The following SNW1 variants were observed in gnomAD, a reference collection of about 807,000 sequenced individuals.
SNW1 encodes SNW domain containing 1.
A neutral mutation model predicts 75.6 loss-of-function variants in SNW1; 9 were observed. The observed-to-expected ratio is 0.12, with a 90% CI of 0.07 to 0.21. The LOEUF (loss-of-function observed/expected upper bound fraction) is 0.21. Among genes scored for constraint, SNW1 ranks in the 10% least tolerant of loss-of-function variants. The pLI, the probability that SNW1 is intolerant of heterozygous loss-of-function variation, is 1.00. For missense variants in SNW1, 409 were observed against 670.9 expected, an observed-to-expected ratio of 0.61 and a Z score of 4.31; for synonymous variants, 200 against 219.1, an observed-to-expected ratio of 0.91 and a Z score of 0.77.
At chr14:77,748,312 C>A (rs942152942) in intron 3 of SNW1, among the ~76,000 whole-genome samples, 10 of 152,050 alleles carry the variant, frequency 6.6e-5, no homozygotes, top group African/African-American at 2.4e-4. Context: ...AACCAGAGAC[C>A]CTTGTTCACT....
chr14:77,736,548 C>CA (rs11441542), intron 6 of SNW1, among the ~76,000 whole-genome samples: 58,754 of 141,274 alleles, frequency 0.42, 13,001 homozygotes, highest in East Asian at 0.68. Flanking sequence ...GACTGTCTCT[C>CA]AAAAAACAAA....
At chr14:77,729,390 T>C (rs10162548) in intron 10 of SNW1, among the ~76,000 whole-genome samples, 46,794 of 152,054 alleles carry the variant, frequency 0.31, 7,515 homozygotes, top group Non-Finnish European at 0.34. Context: ...TCAACTCTAC[T>C]ACCAAAATAC....
rs750258815 is a variant in SNW1 at position 77,723,296 on chromosome 14, A to T, written c.1034-19T>A. 6.4e-7 allele frequency: 1 copy of T among 1,560,254 alleles called. No homozygotes were observed. Among genetic ancestry groups the T allele is most frequent in the African/African-American group, 1.4e-5 (1 of 73,820 alleles). On this transcript the variant is annotated intron_variant, in intron 10 of 13. Coordinates refer to ENST00000261531, the MANE Select transcript of SNW1 (RefSeq NM_012245.3). ...CCATCCTCTGTGTGAACAGTTGAAA[A>T]GTACTTCACTGTAATATGTATTATA...
At chr14:77,725,704 G>A (rs2080579492) in intron 10 of SNW1, among the ~76,000 whole-genome samples, 1 of 152,128 alleles carries the variant, frequency 6.6e-6, no homozygotes, top group Admixed American at 6.5e-5. Context: ...GATCACTTGA[G>A]GCCAGGAGGT....
intron 1 of SNW1, among the ~76,000 whole-genome samples, chr14:77,757,410 T>G (rs918891354): frequency 6.6e-6 from 1 of 152,250 alleles, no homozygotes; most frequent in Non-Finnish European, 1.5e-5. Context: ...CTTACCTCTC[T>G]GAATCTGTTT....
intron 1 of SNW1, among the ~76,000 whole-genome samples, chr14:77,759,135 T>C (rs1268417502): frequency 7.0e-6 from 1 of 143,412 alleles, no homozygotes; most frequent in Non-Finnish European, 1.5e-5. Flanking sequence ...CACCAGATGG[T>C]AGGTATGGAA....
At chr14:77,742,695 C>G (rs542594768) in intron 3 of SNW1, among the ~76,000 whole-genome samples, 13 of 151,970 alleles carry the variant, frequency 8.6e-5, no homozygotes, top group African/African-American at 2.6e-4. Flanking sequence ...AGGGGTAATA[C>G]GTTGAAGGCA....
chr14:77,748,182 G>A (rs1196733714), intron 3 of SNW1, among the ~76,000 whole-genome samples: 17 of 152,164 alleles, frequency 1.1e-4, no homozygotes, highest in Non-Finnish European at 2.1e-4. Flanking sequence ...GGTGCAAGAT[G>A]TGCTTTGTTA....
rs12879058 is a variant in SNW1 at position 77,736,555 on chromosome 14, C to A, written c.638+416G>T. The stretch of plus-strand genomic sequence containing the variant: ...CAGAGCGAGACTGTCTCTCAAAAAA[C>A]AAAAACAAAAACAAAAACAAAAACA... On this transcript the variant is annotated intron_variant, in intron 6 of 13. Coordinates refer to ENST00000261531, the MANE Select transcript of SNW1 (RefSeq NM_012245.3). 7.0e-3 allele frequency among the ~76,000 whole-genome samples: 726 copies of A among 103,826 alleles called. 5 individuals carry two copies. The highest frequency in any genetic ancestry group is 0.026 in the Middle Eastern group (6 of 228). 68.1% of individuals were successfully genotyped at this position (103,826 alleles called of 152,430 possible).
intron 10 of SNW1, among the ~76,000 whole-genome samples, chr14:77,723,731 C>A (rs186488350): frequency 1.3e-5 from 2 of 151,776 alleles, no homozygotes; most frequent in African/African-American, 2.4e-5. Flanking sequence ...CTCAGCTCAC[C>A]GCAACCTCTG....
chr14:77,758,695 G>C (rs1299248112), intron 1 of SNW1, among the ~76,000 whole-genome samples: 2 of 152,176 alleles, frequency 1.3e-5, no homozygotes, highest in African/African-American at 4.8e-5. Context: ...TTCCAATTCT[G>C]TCCCATTAGA....
Position 77,735,012 on chromosome 14 carries a change from T to A in SNW1, c.709A>T (p.Met237Leu). 1 of 1,603,330 alleles carries A rather than the reference T, an allele frequency of 6.2e-7. No individual in the cohort carries two copies. The highest frequency in any genetic ancestry group is 8.5e-7 in the Non-Finnish European group (1 of 1,171,718). ...CACTCTTGTTGTTCCTTTACAGTCA[T>A]CTGAGAGAAGAGGGAAAGAAGAGAC... The part of the protein sequence containing the change: ...APVMHSPSRK[M>L]TVKEQQEWKI... The change falls in exon 8 of 14, where the codon ATG becomes TTG. Residue 237 changes from methionine (M) to leucine (L), a missense_variant and splice_region_variant. Coordinates refer to ENST00000261531, the MANE Select transcript of SNW1 (RefSeq NM_012245.3).
intron 3 of SNW1, among the ~76,000 whole-genome samples, chr14:77,750,894 A>C (rs1470646602): frequency 1.3e-5 from 2 of 152,230 alleles, no homozygotes; most frequent in East Asian, 3.8e-4. Flanking sequence ...GTAATAGAGT[A>C]CATGTAAGTA....
chr14:77,730,811 T>C (rs2080621840), intron 10 of SNW1, 177 bp downstream of exon 10: 1 of 618,658 alleles, frequency 1.6e-6, no homozygotes. Context: ...TTTTTTCTTA[T>C]CTCCTGTTGC....
chr14:77,731,852 C>T (rs1303349294), intron 9 of SNW1, among the ~76,000 whole-genome samples: 1 of 152,162 alleles, frequency 6.6e-6, no homozygotes. Context: ...GATTCTCCTG[C>T]CTCAGCCTCC....
chr14:77,718,586 G>A, intron 12 of SNW1, 56 bp from the exon 13 acceptor site: 1 of 1,178,918 alleles, frequency 8.5e-7, no homozygotes. Flanking sequence ...ATCAAAAGCT[G>A]AATCATAACA....
chr14:77,721,036 C>A, intron 11 of SNW1: 1 of 533,384 alleles, frequency 1.9e-6, no homozygotes, highest in Non-Finnish European at 3.3e-6. Flanking sequence ...ATTAGGACGT[C>A]CTGTTAGCTC....
In SNW1 at chr14:77,720,816, C is replaced by T. The variant is rs984945153; in HGVS notation, c.1143G>A (p.Gln381=). Residue 381 remains glutamine, a synonymous_variant, in exon 12 of 14, where the codon CAG becomes CAA. Transcript: ENST00000261531. The part of the protein sequence containing the change: ...RAAPDKRSKL[Q]RNENRDISEV... ...CACTGATATCCCGATTTTCATTTCT[C>T]TGAAGTTTCGACCTATTTTGAAATA... 3.1e-6 allele frequency: 5 copies of T among 1,612,328 alleles called. No homozygotes were observed. Among genetic ancestry groups the T allele is most frequent in the Admixed American group, 1.7e-5 (1 of 59,918 alleles).
intron 8 of SNW1, 78 bp downstream of exon 8, chr14:77,734,869 G>A (rs1333311015): frequency 2.1e-6 from 2 of 951,216 alleles, no homozygotes; most frequent in Non-Finnish European, 3.3e-6. Flanking sequence ...TTCAACTACA[G>A]TTATGCAGGC....
Sources: gnomAD v4.1 joint callset for allele counts (sites outside exome capture counted in the v4.1 genomes callset) on GRCh38, gnomAD v4.1.1 for gene constraint, MANE v1.5 for transcripts, NCBI Gene and HGNC (gene_info 2026-07-23, HGNC 2026-07-21) for gene names.